TTLL11: variants seen among roughly 807,000 people sequenced by gnomAD.
TTLL11 encodes the protein tubulin tyrosine ligase like 11.
TTLL11 carries 42 observed loss-of-function variants against 51.7 expected under a neutral mutation model. The ratio of observed to expected loss-of-function variants is 0.81; its 90% CI spans 0.64 to 1.05. The LOEUF (loss-of-function observed/expected upper bound fraction) is 1.05, where lower values mean the gene tolerates loss of function less well. TTLL11 is among the 50% of genes least tolerant of loss of function. TTLL11 has a pLI of 0.00. For synonymous variants in TTLL11, 381 were observed against 383.5 expected (o/e 0.99, Z 0.08); for missense variants, 799 against 940.4 (o/e 0.85, Z 1.97).
intron 8 of TTLL11, among the ~76,000 whole-genome samples, chr9:121,840,162 T>A (rs374099498): frequency 1.3e-5 from 2 of 152,176 alleles, no homozygotes; most frequent in African/African-American, 4.8e-5. Context: ...CACGAAAATG[T>A]TTCTTTCACT....
At position 121,933,073 on chromosome 9, in the gene TTLL11, T is replaced by C. The variant is rs568750704; in HGVS notation, c.1481+40936A>G. Among the ~76,000 whole-genome samples the C allele has an allele frequency of 2.6e-5, 4 of 152,328 alleles. No individual in the cohort carries two copies. In the South Asian group the frequency reaches 8.3e-4, roughly 32 times the overall value. ...CGGTTAGTTTTTCCTCTCTCTTGTT[T>C]CAGACAAGTGGTGATTAATATAACA... On this transcript the variant is annotated intron_variant, in intron 6 of 8. Transcript: ENST00000321582.
At chr9:121,884,964 C>CACA (rs1316345768) in intron 6 of TTLL11, 1 of 152,248 alleles carries the variant, frequency 6.6e-6, no homozygotes, top group African/African-American at 2.4e-5. Flanking sequence ...ATGCCGTGAC[C>CACA]ACAAACCCAT....
chr9:121,914,756 G>A (rs111420343), intron 6 of TTLL11, among the ~76,000 whole-genome samples: 11 of 152,254 alleles, frequency 7.2e-5, no homozygotes, highest in African/African-American at 2.4e-4. Context: ...TGCACACCAC[G>A]GTGCTGGGGA....
At chr9:122,016,801 C>A (rs963608592) in intron 3 of TTLL11, among the ~76,000 whole-genome samples, 1 of 152,150 alleles carries the variant, frequency 6.6e-6, no homozygotes, top group Non-Finnish European at 1.5e-5. Flanking sequence ...AATACAAACT[C>A]TTTCACCATA....
chr9:121,886,630 T>G (rs1328120301), intron 6 of TTLL11, among the ~76,000 whole-genome samples: 5 of 152,252 alleles, frequency 3.3e-5, no homozygotes, highest in Admixed American at 2.6e-4. Context: ...TCTGTTGTTC[T>G]AAGTCACGCA....
chr9:121,914,450 A>G (rs1231695080), intron 6 of TTLL11, among the ~76,000 whole-genome samples: 2 of 152,216 alleles, frequency 1.3e-5, no homozygotes, highest in South Asian at 2.1e-4. Flanking sequence ...GTTGATGAAG[A>G]TACAGTCCAC....
chr9:122,061,093 C>T (rs891867027), intron 1 of TTLL11, among the ~76,000 whole-genome samples: 1 of 152,176 alleles, frequency 6.6e-6, no homozygotes, highest in African/African-American at 2.4e-5. Flanking sequence ...CCCTTGGCAT[C>T]ACTTGCCTTG....
intron 4 of TTLL11, among the ~76,000 whole-genome samples, chr9:121,981,012 T>TG (rs1027119783): frequency 6.6e-6 from 1 of 152,172 alleles, no homozygotes; most frequent in African/African-American, 2.4e-5. Context: ...GATTATAATC[T>TG]GGGGGGAGTG....
chr9:122,086,572 G>A (rs1846133133), intron 1 of TTLL11, among the ~76,000 whole-genome samples: 1 of 152,146 alleles, frequency 6.6e-6, no homozygotes, highest in Non-Finnish European at 1.5e-5. Flanking sequence ...GATTCAAATA[G>A]CAGGCTCACA....
At chr9:122,032,790 A>ATT (rs1290049248) in intron 2 of TTLL11, among the ~76,000 whole-genome samples, 1 of 147,398 alleles carries the variant, frequency 6.8e-6, no homozygotes, top group African/African-American at 2.6e-5. Flanking sequence ...TGTTTATTTC[A>ATT]TTTTTTCTTT....
intron 6 of TTLL11, among the ~76,000 whole-genome samples, chr9:121,965,263 T>G (rs1056425378): frequency 1.3e-5 from 2 of 152,150 alleles, no homozygotes; most frequent in Admixed American, 6.5e-5. Context: ...ACTGGGTAAT[T>G]TATGATGAAG....
intron 8 of TTLL11, among the ~76,000 whole-genome samples, chr9:121,827,624 A>G (rs12344005): frequency 0.036 from 5,489 of 152,206 alleles, 244 homozygotes; most frequent in African/African-American, 0.11. Context: ...GGATGCCCCA[A>G]ACTGCACGCC....
At chr9:121,938,459 C>T (rs34197715) in intron 6 of TTLL11, among the ~76,000 whole-genome samples, 10 of 152,194 alleles carry the variant, frequency 6.6e-5, no homozygotes, top group Non-Finnish European at 1.0e-4. Flanking sequence ...TTCAAAACTT[C>T]TATTTATCAA....
At chr9:121,887,466 C>A (rs899660230) in intron 6 of TTLL11, among the ~76,000 whole-genome samples, 2 of 152,228 alleles carry the variant, frequency 1.3e-5, no homozygotes, top group Non-Finnish European at 2.9e-5. Flanking sequence ...CTCTTCCCCA[C>A]GTTAATCGAC....
chr9:121,846,885 C>T (rs1338696245), intron 8 of TTLL11, among the ~76,000 whole-genome samples: 1 of 152,024 alleles, frequency 6.6e-6, no homozygotes, highest in Non-Finnish European at 1.5e-5. Flanking sequence ...TAAATTTAAT[C>T]CAAAACAAAC....
intron 6 of TTLL11, among the ~76,000 whole-genome samples, chr9:121,892,291 A>G (rs929562211): frequency 6.6e-6 from 1 of 151,858 alleles, no homozygotes; most frequent in African/African-American, 2.4e-5. Flanking sequence ...AAACTGTGTT[A>G]GTCCATTTGC....
intron 6 of TTLL11, among the ~76,000 whole-genome samples, chr9:121,918,915 G>A (rs1004794809): frequency 3.9e-5 from 6 of 152,208 alleles, no homozygotes; most frequent in South Asian, 2.1e-4. Context: ...TCAAAAACAC[G>A]CCAAGTAACA....
rs369706944 is a variant in TTLL11, at chr9:121,895,876, CTG to C, written c.1482-25130_1482-25129del. On this transcript the variant is annotated intron_variant, in intron 6 of 8. Transcript: ENST00000321582. ...GAATGTGTTGTGTGGGTTTGTGTGACTGTGTGTCATTGTATCTGTGTGTGTCC... is the reference window on the plus strand; with the variant it reads ...GAATGTGTTGTGTGGGTTTGTGTGACTGTGTCATTGTATCTGTGTGTGTCC... Among the ~76,000 whole-genome samples, 162 of 31,914 alleles carry C rather than the reference CTG, an allele frequency of 5.1e-3. 3 individuals are homozygous for C. Among genetic ancestry groups the C allele is most frequent in the African/African-American group, 0.015 (113 of 7,658 alleles). The allele number at this position is 31,914 out of a possible 152,430, so 20.9% of individuals were successfully genotyped here. A position where few individuals can be genotyped will look rare whatever the true frequency, so the allele number is the denominator to read the frequency against.
intron 1 of TTLL11, among the ~76,000 whole-genome samples, chr9:122,084,281 A>G (rs960133354): frequency 6.6e-6 from 1 of 152,202 alleles, no homozygotes; most frequent in Non-Finnish European, 1.5e-5. Flanking sequence ...AGAGAAGCAT[A>G]TGGGAGAGGG....
Sources: gnomAD v4.1 joint callset for allele counts (sites outside exome capture counted in the v4.1 genomes callset) on GRCh38, gnomAD v4.1.1 for gene constraint, MANE v1.5 for transcripts, NCBI Gene and HGNC (gene_info 2026-07-23, HGNC 2026-07-21) for gene names.